Variants in B3GALT1 observed in about 807,000 individuals in gnomAD.
The protein encoded by B3GALT1 is UDP-Gal:betaGlcNAc beta 1,3-galactosyltransferase, polypeptide 1.
B3GALT1 carries 10 observed loss-of-function variants against 23.2 expected under a neutral mutation model. The ratio of observed to expected loss-of-function variants is 0.43; its 90% CI spans 0.27 to 0.73. The LOEUF (loss-of-function observed/expected upper bound fraction) is 0.73. B3GALT1 is among the 30% of genes least tolerant of loss of function. The probability of loss-of-function intolerance (pLI) is 0.21; values close to 1 mark genes in which losing one functional copy is unlikely to be tolerated. For missense variants in B3GALT1, 299 were observed against 405.4 expected (o/e 0.74, Z 2.25); for synonymous variants, 156 against 141.5 (o/e 1.10, Z -0.73).
At chr2:167,533,272 T>G (rs1174359211) in intron 2 of B3GALT1, among the ~76,000 whole-genome samples, 2 of 152,202 alleles carry the variant, frequency 1.3e-5, no homozygotes, top group African/African-American at 4.8e-5. Flanking sequence ...GCATTCTGTC[T>G]TTCACCATTA....
intron 1 of B3GALT1, among the ~76,000 whole-genome samples, chr2:167,448,285 G>GT (rs915849408): frequency 7.2e-5 from 11 of 151,818 alleles, no homozygotes; most frequent in Admixed American, 2.0e-4. Context: ...GCCGACATCT[G>GT]TTTTTTTTAA....
At chr2:167,674,750 T>C (rs774798332) in intron 3 of B3GALT1, among the ~76,000 whole-genome samples, 3 of 152,180 alleles carry the variant, frequency 2.0e-5, no homozygotes, top group Non-Finnish European at 2.9e-5. Flanking sequence ...GCTTTGTCTG[T>C]TTTTTAAGAA....
chr2:167,420,409 AC>A (rs1698528571), intron 1 of B3GALT1, among the ~76,000 whole-genome samples: 2 of 152,220 alleles, frequency 1.3e-5, no homozygotes, highest in African/African-American at 4.8e-5. Flanking sequence ...ACTAAAAATA[AC>A]CTGGGAGCTC....
chr2:167,600,672 A>G (rs955131426), intron 2 of B3GALT1, among the ~76,000 whole-genome samples: 3 of 152,176 alleles, frequency 2.0e-5, no homozygotes, highest in Non-Finnish European at 4.4e-5. Flanking sequence ...GTTACTTAGC[A>G]TAATGTTTTC....
At chr2:167,445,566 A>G (rs1325686498) in intron 1 of B3GALT1, among the ~76,000 whole-genome samples, 1 of 152,200 alleles carries the variant, frequency 6.6e-6, no homozygotes, top group Non-Finnish European at 1.5e-5. Flanking sequence ...GGGTGCATAT[A>G]TATTTAGAGT....
chr2:167,380,733 G>A (rs1042520357), intron 1 of B3GALT1, among the ~76,000 whole-genome samples: 5 of 152,144 alleles, frequency 3.3e-5, no homozygotes, highest in African/African-American at 1.2e-4. Context: ...GAAACAAAGT[G>A]CTCTCCCTTG....
At chr2:167,411,519 A>G (rs1227491167) in intron 1 of B3GALT1, among the ~76,000 whole-genome samples, 1 of 151,352 alleles carries the variant, frequency 6.6e-6, no homozygotes, top group Non-Finnish European at 1.5e-5. Context: ...ATCCTGAAAT[A>G]TCATCTCACC....
At chr2:167,812,987 A>ACCC (rs1574276357) in intron 3 of B3GALT1, among the ~76,000 whole-genome samples, 11 of 74,418 alleles carry the variant, frequency 1.5e-4, no homozygotes, top group Non-Finnish European at 2.1e-4. Flanking sequence ...ACGCACCACC[A>ACCC]CCACCCCCAC....
At chr2:167,515,609 C>T (rs1407116540) in intron 2 of B3GALT1, among the ~76,000 whole-genome samples, 1 of 152,020 alleles carries the variant, frequency 6.6e-6, no homozygotes, top group Admixed American at 6.5e-5. Flanking sequence ...TATAAAGCCA[C>T]TTCCATTATT....
intron 4 of B3GALT1, among the ~76,000 whole-genome samples, chr2:167,867,573 A>T (rs973609021): frequency 2.0e-5 from 3 of 152,200 alleles, no homozygotes; most frequent in Non-Finnish European, 4.4e-5. Context: ...TGCTGTTCAC[A>T]TCGTGTATTT....
intron 4 of B3GALT1, among the ~76,000 whole-genome samples, chr2:167,853,528 A>G (rs971801057): frequency 2.6e-5 from 4 of 152,120 alleles, no homozygotes; most frequent in Non-Finnish European, 5.9e-5. Context: ...GAAGCTCCTT[A>G]AAGGTAGGAA....
intron 2 of B3GALT1, among the ~76,000 whole-genome samples, chr2:167,548,994 A>G (rs1683699987): frequency 1.3e-5 from 2 of 152,148 alleles, no homozygotes; most frequent in Admixed American, 1.3e-4. Context: ...ATATGATTTT[A>G]TATTAATGTT....
At chr2:167,553,108 T>C (rs1008815393) in intron 2 of B3GALT1, among the ~76,000 whole-genome samples, 4 of 152,190 alleles carry the variant, frequency 2.6e-5, no homozygotes, top group African/African-American at 9.6e-5. Context: ...CAGAGAATAA[T>C]TTTTAAGCTA....
chr2:167,394,836 T>C (rs1698071134), intron 1 of B3GALT1, among the ~76,000 whole-genome samples: 1 of 152,172 alleles, frequency 6.6e-6, no homozygotes, highest in Non-Finnish European at 1.5e-5. Flanking sequence ...TGAAATTACT[T>C]AGAGCCAGGG....
chr2:167,691,071 A>G (rs1032499026), intron 3 of B3GALT1, among the ~76,000 whole-genome samples: 13 of 152,296 alleles, frequency 8.5e-5, no homozygotes, highest in Non-Finnish European at 1.6e-4. Flanking sequence ...TTGAATATAA[A>G]TAATTGATGT....
rs867962163 is a variant in B3GALT1, at chr2:167,619,168, C to T, written c.-409-27741C>T. 8.6e-5 allele frequency among the ~76,000 whole-genome samples: 13 copies of T among 151,890 alleles called. No individual in the cohort carries two copies. In the Middle Eastern group the frequency reaches 0.01, roughly 119 times the overall value. ...TCTCATTTATTTTTATCTGTATGCA[C>T]TCCTAGATTTTTGTTTTATTCTATA... On this transcript the variant is annotated intron_variant, in intron 2 of 4. Coordinates refer to ENST00000392690, the MANE Select transcript of B3GALT1 (RefSeq NM_020981.4).
chr2:167,649,291 A>G (rs903907268), intron 3 of B3GALT1, among the ~76,000 whole-genome samples: 1 of 151,962 alleles, frequency 6.6e-6, no homozygotes, highest in Admixed American at 6.6e-5. Flanking sequence ...TCTTGTTTTT[A>G]TTTTTATTGA....
chr2:167,388,550 C>T lies in B3GALT1; in HGVS notation c.-511+95216C>T, dbSNP rs1441710077. On this transcript the variant is annotated intron_variant, in intron 1 of 4. Transcript: ENST00000392690. ...CCTGAGAATAAGAGAGTGAAAACAC[C>T]TGAGGGTAAATATTCGTCCAAGTAA... Among the ~76,000 whole-genome samples the T allele has an allele frequency of 2.0e-5, 3 of 152,050 alleles. No homozygotes were observed. The East Asian group carries it at 5.8e-4, about 29-fold the overall frequency.
At chr2:167,412,192 A>G (rs567313271) in intron 1 of B3GALT1, among the ~76,000 whole-genome samples, 1 of 152,370 alleles carries the variant, frequency 6.6e-6, no homozygotes, top group African/African-American at 2.4e-5. Context: ...GAATAAAATG[A>G]ATCACAATGT....
Sources: allele counts gnomAD v4.1 joint callset (sites outside exome capture counted in the v4.1 genomes callset), GRCh38; gene constraint gnomAD v4.1.1; transcripts MANE v1.5; gene names NCBI Gene and HGNC (gene_info 2026-07-23, HGNC 2026-07-21).